The following NLRP5 variants were observed in gnomAD, a reference collection of about 807,000 sequenced individuals.
The protein encoded by NLRP5 is NACHT, LRR and PYD domains-containing protein 5.
Under a neutral mutation model 113.1 loss-of-function variants are expected in NLRP5, and 93 were observed. The ratio of observed to expected loss-of-function variants is 0.82; its 90% confidence interval spans 0.70 to 0.98. The LOEUF (loss-of-function observed/expected upper bound fraction) is 0.98, where lower values mean the gene tolerates loss of function less well. Ranked by LOEUF, NLRP5 falls within the 50% of genes least tolerant of loss-of-function variation. The pLI is 0.00. For synonymous variants in NLRP5, 751 were observed against 600.7 expected, an observed-to-expected ratio of 1.25 and a Z score of -3.66; for missense variants, 1,808 against 1,514.3, an observed-to-expected ratio of 1.19 and a Z score of -3.22.
At position 56,040,897 on chromosome 19, in the gene NLRP5, C is replaced by T. The variant is rs756638389; in HGVS notation, c.2787-25C>T. On this transcript the variant is annotated intron_variant, in intron 10 of 14. Transcript: ENST00000390649. ...ACTTTAAGAAGGCATCTCATCATGT[C>T]CTCTCTGGGGCTCTCTTCTTGCAGA... 1.0e-5 allele frequency: 16 copies of T among 1,606,170 alleles called. No individual in the cohort carries two copies. In the African/African-American group the frequency reaches 1.3e-4, roughly 13 times the overall value.
intron 9 of NLRP5, among the ~76,000 whole-genome samples, chr19:56,035,851 G>A (rs1040493718): frequency 5.9e-5 from 9 of 152,106 alleles, no homozygotes; most frequent in East Asian, 1.9e-4. Context: ...GGGCCACATC[G>A]TGAAGGGTTT....
intron 3 of NLRP5, among the ~76,000 whole-genome samples, chr19:56,012,272 C>G (rs147506434): frequency 0.02 from 3,066 of 152,150 alleles, 53 homozygotes; most frequent in Non-Finnish European, 0.032. Flanking sequence ...CCTCAGCCTC[C>G]CAAGTAGCTG....
At chr19:56,019,110 A>G (rs1284276046) in intron 4 of NLRP5, among the ~76,000 whole-genome samples, 2 of 152,110 alleles carry the variant, frequency 1.3e-5, no homozygotes, top group African/African-American at 4.8e-5. Flanking sequence ...CTTCATTTTA[A>G]TAACTTGTGC....
Position 56,058,454 on chromosome 19 carries a change from G to A in NLRP5, c.3470+44G>A, listed in dbSNP as rs774464305. On this transcript the variant is annotated intron_variant, in intron 14 of 14. Transcript: ENST00000390649. ...TCTTCTGAGATACAGACCTGCTTCT[G>A]TTCCAGGCTTGTTAGCTGGTGGAGA... The A allele has an allele frequency of 5.2e-6, 8 of 1,538,086 alleles. No individual in the cohort carries two copies. In the South Asian group the frequency reaches 7.2e-5, roughly 14 times the overall value.
the NLRP5 span, chr19:55,988,201 G>T: frequency 1.5e-5 from 3 of 193,656 alleles, no homozygotes; most frequent in Non-Finnish European, 3.1e-5. Flanking sequence ...AGACCAGCCT[G>T]GCCAACATGG....
chr19:56,058,146 C>T, intron 13 of NLRP5, 94 bp from the exon 14 acceptor site: 1 of 987,162 alleles, frequency 1.0e-6, no homozygotes, highest in Non-Finnish European at 1.4e-6. Context: ...TTTGTTTTCC[C>T]AAAGAAAAAG....
Position 56,004,230 on chromosome 19 carries a change from T to C in NLRP5, c.442+135T>C, listed in dbSNP as rs891536160. 50 of 925,972 alleles carry C rather than the reference T, an allele frequency of 5.4e-5. No homozygotes were observed. The South Asian group carries it at 7.8e-4, about 14-fold the overall frequency. The allele number at this position is 925,972 out of a possible 1,614,324, so 57.4% of individuals were successfully genotyped here. A position where few individuals can be genotyped will look rare whatever the true frequency, so the allele number is the denominator to read the frequency against. On this transcript the variant is annotated intron_variant, in intron 2 of 14. Coordinates refer to ENST00000390649, the MANE Select transcript of NLRP5 (RefSeq NM_153447.4). Reference sequence around the variant, plus strand: ...AGTCTGAGCTGTGAGAAGGATCCTATTGGTCATCGTCATTGGTTGGAAATT... The same window carrying C: ...AGTCTGAGCTGTGAGAAGGATCCTACTGGTCATCGTCATTGGTTGGAAATT...
At chr19:55,993,162 G>C in the NLRP5 span, among the ~76,000 whole-genome samples, 1 of 151,682 alleles carries the variant, frequency 6.6e-6, no homozygotes, top group Admixed American at 6.6e-5. Flanking sequence ...GTGATATTTT[G>C]ATACCTGTAT....
intron 6 of NLRP5, among the ~76,000 whole-genome samples, chr19:56,022,118 T>C (rs924257038): frequency 3.3e-5 from 5 of 152,198 alleles, no homozygotes; most frequent in Non-Finnish European, 7.3e-5. Flanking sequence ...TACACAAATA[T>C]CGGTGACATT....
At chr19:56,040,654 G>C (rs1983487620) in intron 10 of NLRP5, among the ~76,000 whole-genome samples, 1 of 152,174 alleles carries the variant, frequency 6.6e-6, no homozygotes, top group East Asian at 1.9e-4. Flanking sequence ...GTGGGGACTG[G>C]AAATGGCTGA....
rs572932270 is a variant in NLRP5, at chr19:56,053,760, C to T, written c.3251C>T (p.Ala1084Val). 3.5e-5 allele frequency: 57 copies of T among 1,613,890 alleles called. No individual in the cohort carries two copies. Among genetic ancestry groups the T allele is most frequent in the African/African-American group, 3.3e-4 (25 of 75,012 alleles). ...GCCCTGGGTGACGGTGGGGTTGCTG[C>T]GCTGTGCGAGGGACTGAAGCAAAAG... is the stretch of plus-strand genomic sequence containing the variant. Residue 1084 changes from alanine (A) to valine (V), a missense_variant, in exon 13 of 15, where the codon GCG becomes GTG. Ala to Val is a moderately conservative substitution (Grantham distance 64). Transcript: ENST00000390649.
At position 56,020,515 on chromosome 19, in the gene NLRP5, T is replaced by C. The variant is rs1982574047; in HGVS notation, c.679+84T>C. On this transcript the variant is annotated intron_variant, in intron 6 of 14. Coordinates refer to ENST00000390649, the MANE Select transcript of NLRP5 (RefSeq NM_153447.4). Reference sequence around the variant, plus strand: ...GTGTAAGTAGTTTAGATTTCAAGGGTATGTAGTTTAGATTGCCTTTCTTCA... The same window carrying C: ...GTGTAAGTAGTTTAGATTTCAAGGGCATGTAGTTTAGATTGCCTTTCTTCA... 8 of 1,442,192 alleles carry C rather than the reference T, an allele frequency of 5.5e-6. No homozygotes were observed. In the Admixed American group the frequency reaches 1.5e-4, roughly 27 times the overall value. The allele number at this position is 1,442,192 out of a possible 1,614,324, so 89.3% of individuals were successfully genotyped here.
intron 10 of NLRP5, among the ~76,000 whole-genome samples, chr19:56,039,824 G>A (rs1983452840): frequency 6.6e-6 from 1 of 152,050 alleles, no homozygotes; most frequent in Non-Finnish European, 1.5e-5. Context: ...TGAGGCAGGA[G>A]ACTCACTTAA....
chr19:56,002,590 T>C (rs1051675319), intron 1 of NLRP5, among the ~76,000 whole-genome samples: 5 of 150,832 alleles, frequency 3.3e-5, no homozygotes, highest in African/African-American at 1.2e-4. Context: ...GCATTAGGTA[T>C]ATCTCCTAAT....
chr19:56,011,153 T>TA (rs1162361077), intron 3 of NLRP5, among the ~76,000 whole-genome samples: 11 of 120,300 alleles, frequency 9.1e-5, no homozygotes, highest in African/African-American at 2.7e-4. Flanking sequence ...ACTATGTCTT[T>TA]AAAAAATATA....
At chr19:56,008,763 G>C (rs12460633) in intron 2 of NLRP5, 25 bp from the exon 3 acceptor site, 96 of 1,588,576 alleles carry the variant, frequency 6.0e-5, no homozygotes, top group Non-Finnish European at 8.2e-5. Context: ...ATTGAGGCCA[G>C]TCTCCCTTTT....
intron 1 of NLRP5, among the ~76,000 whole-genome samples, chr19:56,001,564 A>T (rs1286339163): frequency 6.6e-6 from 1 of 152,168 alleles, no homozygotes; most frequent in African/African-American, 2.4e-5. Flanking sequence ...GACGGGGGCT[A>T]AATACTGGGG....
At chr19:56,059,507 A>C (rs1447794582) in intron 14 of NLRP5, among the ~76,000 whole-genome samples, 1 of 152,124 alleles carries the variant, frequency 6.6e-6, no homozygotes, top group Non-Finnish European at 1.5e-5. Flanking sequence ...TTGATAGCCC[A>C]TTTGAGGTTG....
intron 6 of NLRP5, among the ~76,000 whole-genome samples, chr19:56,021,926 G>A (rs1470333741): frequency 1.3e-5 from 2 of 152,132 alleles, no homozygotes; most frequent in Non-Finnish European, 2.9e-5. Flanking sequence ...CGATCTGGTG[G>A]GTGGTGATGC....
Sources: allele counts gnomAD v4.1 joint callset (sites outside exome capture counted in the v4.1 genomes callset), GRCh38; gene constraint gnomAD v4.1.1; transcripts MANE v1.5; gene names NCBI Gene and HGNC (gene_info 2026-07-23, HGNC 2026-07-21).